Variants in LAT2 observed in about 807,000 individuals in gnomAD.
LAT2 encodes linker for activation of T cells family member 2, also known as linker for activation of T-cells family member 2.
A neutral mutation model predicts 43.4 loss-of-function variants in LAT2; 23 were observed. The observed-to-expected ratio is 0.53, with a 90% CI of 0.38 to 0.75. The LOEUF (loss-of-function observed/expected upper bound fraction) is 0.75, where lower values mean the gene tolerates loss of function less well. LAT2 is among the 30% of genes least tolerant of loss of function. LAT2 has a pLI of 0.00. For synonymous variants in LAT2, 128 were observed against 123.2 expected, an observed-to-expected ratio of 1.04 and a Z score of -0.26; for missense variants, 284 against 310.2, an observed-to-expected ratio of 0.92 and a Z score of 0.64.
chr7:74,221,733 G>C, intron 10 of LAT2, 41 bp downstream of exon 10: 1 of 1,569,924 alleles, frequency 6.4e-7, no homozygotes, highest in Non-Finnish European at 8.7e-7. Flanking sequence ...GAAGTGGTGT[G>C]GGAGCTCAGG....
In LAT2 at chr7:74,224,213, A is replaced by G; in HGVS notation, c.628+16A>G. ...AAGGTCATGGGTAGGTGGCCGGGAG[A>G]AGAGGCAGGGTGGTCCACTTAGGGC... On this transcript the variant is annotated intron_variant, in intron 12 of 13. Coordinates refer to ENST00000460943, the MANE Select transcript of LAT2 (RefSeq NM_032464.3). 2 of 1,610,154 alleles carry G rather than the reference A, an allele frequency of 1.2e-6. No individual in the cohort carries two copies. Among genetic ancestry groups the G allele is most frequent in the African/African-American group, 2.7e-5 (2 of 75,038 alleles).
intron 12 of LAT2, 132 bp from the exon 13 acceptor site, chr7:74,224,507 A>G (rs1802411759): frequency 2.6e-6 from 2 of 766,858 alleles, no homozygotes; most frequent in Admixed American, 2.1e-5. Flanking sequence ...ACAGACACAC[A>G]CCGCCAGGAC....
rs782693951 is a variant in LAT2, at chr7:74,223,803, G to A, written c.448+20G>A. ...AGACAGGTGAGGCTGCCCAGCCAGAGGCAGGCTGGGGCTGGGAGCAGCAGG... is the reference window on the plus strand; with the variant it reads ...AGACAGGTGAGGCTGCCCAGCCAGAAGCAGGCTGGGGCTGGGAGCAGCAGG... On this transcript the variant is annotated intron_variant, in intron 11 of 13. Coordinates refer to ENST00000460943, the MANE Select transcript of LAT2 (RefSeq NM_032464.3). 7.4e-6 allele frequency: 12 copies of A among 1,611,092 alleles called. No individual in the cohort carries two copies. The highest frequency in any genetic ancestry group is 4.0e-5 in the African/African-American group (3 of 74,836).
rs1479510071 is a variant in LAT2 at position 74,224,912 on chromosome 7, C to T, written c.*18+152C>T. The T allele has an allele frequency of 1.1e-5, 6 of 566,546 alleles. No homozygotes were observed. The Admixed American group carries it at 1.9e-4, about 18-fold the overall frequency. The allele number at this position is 566,546 out of a possible 1,614,324, so 35.1% of individuals were successfully genotyped here. On this transcript the variant is annotated intron_variant, in intron 13 of 13. Coordinates refer to ENST00000460943, the MANE Select transcript of LAT2 (RefSeq NM_032464.3). The stretch of plus-strand genomic sequence containing the variant: ...ACCCATGGGTGCTCCAAGAGGGCAG[C>T]TTGGCGACTCTGTTCCTCTGTTCTG...
intron 11 of LAT2, 90 bp from the exon 12 acceptor site, chr7:74,223,928 C>CT: frequency 6.7e-7 from 1 of 1,492,112 alleles, no homozygotes. Context: ...TCGGTAGAGC[C>CT]TTGCCCCTAC....
chr7:74,220,150 G>T lies in LAT2; in HGVS notation c.228-67G>T. The T allele has an allele frequency of 6.4e-7, 1 of 1,566,762 alleles. No homozygotes were observed. The highest frequency in any genetic ancestry group is 8.7e-7 in the Non-Finnish European group (1 of 1,149,294). Reference sequence around the variant, plus strand: ...TGAAGGCCCCACAAGGGGTATGGGGGGATGTGTCCTGGGGGGCCTCTCCCC... The same window carrying T: ...TGAAGGCCCCACAAGGGGTATGGGGTGATGTGTCCTGGGGGGCCTCTCCCC... On this transcript the variant is annotated intron_variant, in intron 6 of 13. Transcript: ENST00000460943. The surrounding 1 kb of genome is among the most constrained non-coding windows in gnomAD (Gnocchi z 4.5).
chr7:74,219,869 C>T, intron 5 of LAT2, 82 bp downstream of exon 5: 2 of 1,611,622 alleles, frequency 1.2e-6, no homozygotes, highest in Admixed American at 1.7e-5. Flanking sequence ...TGACCTGAGA[C>T]CGTGGCCAGG....
At chr7:74,213,672 C>T (rs541451495) in intron 1 of LAT2, among the ~76,000 whole-genome samples, 50 of 152,272 alleles carry the variant, frequency 3.3e-4, no homozygotes, top group Admixed American at 7.2e-4. Flanking sequence ...ATCTGCCCGC[C>T]TTGGCCTCCC....
At chr7:74,221,577 G>GC in intron 9 of LAT2, 60 bp from the exon 10 acceptor site, 2 of 1,429,690 alleles carry the variant, frequency 1.4e-6, no homozygotes, top group Non-Finnish European at 2.0e-6. Context: ...CCCTTATGGA[G>GC]CCCCCAACCC....
At chr7:74,228,382 A>G (rs1802572242) in intron 13 of LAT2, among the ~76,000 whole-genome samples, 1 of 151,464 alleles carries the variant, frequency 6.6e-6, no homozygotes, top group African/African-American at 2.4e-5. Flanking sequence ...AGGCTGAGGC[A>G]AGAGAATGGC....
At chr7:74,221,722 G>C (rs1554715316) in intron 10 of LAT2, 30 bp downstream of exon 10, 8 of 1,602,990 alleles carry the variant, frequency 5.0e-6, no homozygotes, top group Non-Finnish European at 6.0e-6. Context: ...CGGAGGTGGA[G>C]GAAGTGGTGT....
In LAT2 at chr7:74,220,614, G is replaced by A. The variant is rs1563973263; in HGVS notation, c.296G>A (p.Ser99Asn). 1 of 1,614,072 alleles carries A rather than the reference G, an allele frequency of 6.2e-7. No individual in the cohort carries two copies. Among genetic ancestry groups the A allele is most frequent in the Non-Finnish European group, 8.5e-7 (1 of 1,179,976 alleles). Residue 99 changes from serine to asparagine, a missense_variant, in exon 8 of 14, where the codon AGC becomes AAC. Transcript: ENST00000460943. This position sits in a 1 kb window ranked among gnomAD's most constrained non-coding sequence, Gnocchi z 4.5. ...GCATCTTCCAGGTACCAGAACTTCA[G>A]CAAAGGTAGGTAGGCTCCTGGAGAA... ...DPASSRYQNFSKGSRHGSEEA... is the reference protein window; with the variant it reads ...DPASSRYQNFNKGSRHGSEEA...
chr7:74,222,992 T>A (rs185853465), intron 10 of LAT2, among the ~76,000 whole-genome samples: 1 of 152,190 alleles, frequency 6.6e-6, no homozygotes. Context: ...TGAGGTGCCA[T>A]ACTCAGCCTG....
At chr7:74,226,017 C>G (rs1167124337) in intron 13 of LAT2, 1 of 152,338 alleles carries the variant, frequency 6.6e-6, no homozygotes, top group African/African-American at 2.4e-5. Context: ...ACAGATAGGG[C>G]TGGACACAGC....
intron 1 of LAT2, among the ~76,000 whole-genome samples, chr7:74,213,712 C>A (rs528343892): frequency 2.6e-5 from 4 of 152,130 alleles, no homozygotes; most frequent in Admixed American, 2.6e-4. Flanking sequence ...CGTGAGCCAC[C>A]ACGCCCTGCT....
intron 13 of LAT2, among the ~76,000 whole-genome samples, chr7:74,227,144 C>T (rs1042768942): frequency 6.6e-6 from 1 of 150,784 alleles, no homozygotes; most frequent in Non-Finnish European, 1.5e-5. Flanking sequence ...TGGGTTCAAG[C>T]GATGCTCCTG....
At chr7:74,222,980 G>A (rs75232755) in intron 10 of LAT2, among the ~76,000 whole-genome samples, 1,760 of 152,282 alleles carry the variant, frequency 0.012, 21 homozygotes, top group Non-Finnish European at 0.017. Context: ...GGTGCCAGGC[G>A]CTGAGGTGCC....
intron 1 of LAT2, among the ~76,000 whole-genome samples, chr7:74,214,281 AATATATATATGAAAATATATATAT>A (rs1801883427): frequency 1.2e-5 from 1 of 84,430 alleles, no homozygotes; most frequent in African/African-American, 5.3e-5. Context: ...TATATATATA[AATATATATATGAAAATATATATAT>A]AAATATATAT....
Position 74,220,152 on chromosome 7 carries a change from A to T in LAT2, c.228-65A>T, listed in dbSNP as rs1554714913. The T allele has an allele frequency of 1.3e-6, 2 of 1,566,174 alleles. No homozygotes were observed. The highest frequency in any genetic ancestry group is 1.7e-6 in the Non-Finnish European group (2 of 1,149,010). On this transcript the variant is annotated intron_variant, in intron 6 of 13. Coordinates refer to ENST00000460943, the MANE Select transcript of LAT2 (RefSeq NM_032464.3). This position sits in a 1 kb window ranked among gnomAD's most constrained non-coding sequence, Gnocchi z 4.5. ...AAGGCCCCACAAGGGGTATGGGGGGATGTGTCCTGGGGGGCCTCTCCCCTA... is the reference window on the plus strand; with the variant it reads ...AAGGCCCCACAAGGGGTATGGGGGGTTGTGTCCTGGGGGGCCTCTCCCCTA...
Sources: gnomAD v4.1 joint callset for allele counts (sites outside exome capture counted in the v4.1 genomes callset) on GRCh38, gnomAD v4.1.1 for gene constraint, Gnocchi (gnomAD v3.1) non-coding constraint, MANE v1.5 for transcripts, NCBI Gene and HGNC (gene_info 2026-07-23, HGNC 2026-07-21) for gene names.